API5: variants seen among roughly 807,000 people sequenced by gnomAD.
The protein encoded by API5 is apoptosis inhibitor 5, also known as FIF.
A neutral mutation model predicts 71.9 loss-of-function variants in API5; 6 were observed. The observed-to-expected ratio is 0.08, with a 90% CI of 0.05 to 0.16. API5 has a LOEUF of 0.16. API5 is among the 10% of genes least tolerant of loss of function. The probability of loss-of-function intolerance (pLI) is 1.00; values close to 1 mark genes in which losing one functional copy is unlikely to be tolerated. For synonymous variants in API5, 189 were observed against 221.3 expected, an observed-to-expected ratio of 0.85 and a Z score of 1.30; for missense variants, 332 against 612.8, an observed-to-expected ratio of 0.54 and a Z score of 4.84.
At chr11:43,321,903 A>C (rs1337548108) in intron 4 of API5, 82 bp from the exon 5 acceptor site, 1 of 1,351,750 alleles carries the variant, frequency 7.4e-7, no homozygotes, top group Admixed American at 2.4e-5. Context: ...ATTTGAGAAG[A>C]AATACTATAA....
chr11:43,336,962 C>G (rs1049534342), intron 13 of API5, among the ~76,000 whole-genome samples: 1 of 143,526 alleles, frequency 7.0e-6, no homozygotes, highest in Non-Finnish European at 1.5e-5. Context: ...GAGTGGAGAT[C>G]GCACCACTGT....
intron 11 of API5, chr11:43,331,894 TTACAAATCTTAAA>T (rs1270864280): frequency 6.6e-6 from 1 of 152,226 alleles, no homozygotes; most frequent in Non-Finnish European, 1.5e-5. Flanking sequence ...CTGCCATTTA[TTACAAATCTTAAA>T]TACAAATAAT....
intron 11 of API5, among the ~76,000 whole-genome samples, chr11:43,334,741 T>G (rs968839931): frequency 1.3e-5 from 2 of 152,186 alleles, no homozygotes; most frequent in African/African-American, 4.8e-5. Context: ...CGGTTTTTTT[T>G]GCCTTATTAA....
rs183525306 is a variant in API5, at chr11:43,321,556, T to C, written c.391+80T>C. 30 of 1,158,024 alleles carry C rather than the reference T, an allele frequency of 2.6e-5. No individual in the cohort carries two copies. The Admixed American group carries it at 5.4e-4, about 21-fold the overall frequency. The allele number at this position is 1,158,024 out of a possible 1,614,324, so 71.7% of individuals were successfully genotyped here. On this transcript the variant is annotated intron_variant, in intron 4 of 13. Coordinates refer to ENST00000531273, the MANE Select transcript of API5 (RefSeq NM_001142930.2). ...TAGGTGTTACTCATTAAGAATAAAC[T>C]CTAGGGTTTACCCAGAGTTCTATTT... is the stretch of plus-strand genomic sequence containing the variant.
Position 43,330,627 on chromosome 11 carries a change from A to AAAT in API5, c.1278+65_1278+66insTAA, listed in dbSNP as rs1855219699. 5.2e-6 allele frequency: 7 copies of AAAT among 1,336,786 alleles called. No individual in the cohort carries two copies. In the East Asian group the frequency reaches 1.7e-4, roughly 32 times the overall value. 82.8% of individuals were successfully genotyped at this position (1,336,786 alleles called of 1,614,324 possible). A position where few individuals can be genotyped will look rare whatever the true frequency, so the allele number is the denominator to read the frequency against. On this transcript the variant is annotated intron_variant, in intron 11 of 13. Coordinates refer to ENST00000531273, the MANE Select transcript of API5 (RefSeq NM_001142930.2). ...CATAAAATCATACATTTATTTATTT[A>AAAT]AAAGTTTTGCATAAGATACTTCCAA...
At chr11:43,324,802 C>T (rs1463631694) in intron 6 of API5, among the ~76,000 whole-genome samples, 1 of 151,982 alleles carries the variant, frequency 6.6e-6, no homozygotes, top group African/African-American at 2.4e-5. Flanking sequence ...CTCAACTTCC[C>T]GAGTAGCTGG....
chr11:43,312,794 G>C (rs1245597991), intron 1 of API5, among the ~76,000 whole-genome samples: 2 of 152,128 alleles, frequency 1.3e-5, no homozygotes, highest in South Asian at 2.1e-4. Flanking sequence ...GTACAGTTAG[G>C]AGGGAGTGTA....
chr11:43,323,119 A>C (rs1159719826), intron 5 of API5, among the ~76,000 whole-genome samples: 1 of 150,434 alleles, frequency 6.6e-6, no homozygotes, highest in Non-Finnish European at 1.5e-5. Context: ...TTTTTTTCTT[A>C]ACTGCTCTCC....
intron 2 of API5, 87 bp downstream of exon 2, chr11:43,318,888 G>A: frequency 7.5e-7 from 1 of 1,328,528 alleles, no homozygotes; most frequent in Non-Finnish European, 1.0e-6. Flanking sequence ...TGATATATCA[G>A]AGTACACAAT....
chr11:43,336,625 G>T (rs1324132288), intron 13 of API5, among the ~76,000 whole-genome samples: 2 of 152,096 alleles, frequency 1.3e-5, no homozygotes, highest in African/African-American at 4.8e-5. Flanking sequence ...CAAAAGTAAA[G>T]TTTATCTCTC....
At chr11:43,314,340 A>C (rs1052780979) in intron 1 of API5, among the ~76,000 whole-genome samples, 26 of 152,198 alleles carry the variant, frequency 1.7e-4, no homozygotes, top group Non-Finnish European at 4.4e-5. Flanking sequence ...AACCGTATAC[A>C]TAATGCTGTC....
At chr11:43,313,584 GA>G (rs569183342) in intron 1 of API5, among the ~76,000 whole-genome samples, 334 of 144,870 alleles carry the variant, frequency 2.3e-3, no homozygotes, top group African/African-American at 6.2e-3. Context: ...TGAGCTGAAC[GA>G]AAAAAAAAAA....
chr11:43,314,433 C>T (rs928414835), intron 1 of API5, among the ~76,000 whole-genome samples: 3 of 152,152 alleles, frequency 2.0e-5, no homozygotes, highest in Non-Finnish European at 2.9e-5. Flanking sequence ...TGAGAGTTCT[C>T]CCCAAGGGGT....
Position 43,318,331 on chromosome 11 carries a change from A to T in API5, c.70-309A>T, listed in dbSNP as rs1420033312. The T allele has an allele frequency of 4.0e-6, 5 of 1,250,464 alleles. No homozygotes were observed. In the East Asian group the frequency reaches 1.3e-4, roughly 32 times the overall value. 77.5% of individuals were successfully genotyped at this position (1,250,464 alleles called of 1,614,324 possible). A position where few individuals can be genotyped will look rare whatever the true frequency, so the allele number is the denominator to read the frequency against. On this transcript the variant is annotated intron_variant, in intron 1 of 13. Coordinates refer to ENST00000531273, the MANE Select transcript of API5 (RefSeq NM_001142930.2). Reference sequence around the variant, plus strand: ...GCCCATTACAAATTTTTTAAGCATGATACAGTCACATGGCCAGAGTTAATA... The same window carrying T: ...GCCCATTACAAATTTTTTAAGCATGTTACAGTCACATGGCCAGAGTTAATA...
rs1257037000 is a variant in API5, at chr11:43,339,498, GGACGAC to G, written c.1493-2929_1493-2924del. The G allele has an allele frequency of 2.0e-5, 3 of 152,104 alleles. No individual in the cohort carries two copies. In the East Asian group the frequency reaches 5.8e-4, roughly 29 times the overall value. 9.4% of individuals were successfully genotyped at this position (152,104 alleles called of 1,614,324 possible). The stretch of plus-strand genomic sequence containing the variant: ...ATAACTTCGATCAGTTTTCTTCATG[GGACGAC>G]ACCTTTGAGGACCATTTCTCTGTGG... On this transcript the variant is annotated intron_variant, in intron 13 of 13. Coordinates refer to ENST00000531273, the MANE Select transcript of API5 (RefSeq NM_001142930.2).
chr11:43,344,004 T>G lies in API5; in HGVS notation c.*1494T>G, dbSNP rs1855705082. ...AAATAGTTCTGAAAGGCTAGAATGA[T>G]ACAAGTGAGCAAAAGTTGGTCAGCT... On this transcript the variant is annotated 3_prime_UTR_variant, in exon 14 of 14. Coordinates refer to ENST00000531273, the MANE Select transcript of API5 (RefSeq NM_001142930.2). 6.6e-6 allele frequency: 1 copy of G among 152,636 alleles called. No homozygotes were observed. Among genetic ancestry groups the G allele is most frequent in the Admixed American group, 6.5e-5 (1 of 15,282 alleles). The allele number at this position is 152,636 out of a possible 1,614,324, so 9.5% of individuals were successfully genotyped here. A position where few individuals can be genotyped will look rare whatever the true frequency, so the allele number is the denominator to read the frequency against.
At chr11:43,328,989 C>G (rs1855162331) in intron 9 of API5, 96 bp downstream of exon 9, 1 of 1,230,074 alleles carries the variant, frequency 8.1e-7, no homozygotes, top group Admixed American at 2.0e-5. Flanking sequence ...GCTCCCCATC[C>G]TGCCTTACCC....
rs1429567299 is a variant in API5 at position 43,343,165 on chromosome 11, G to A, written c.*655G>A. On this transcript the variant is annotated 3_prime_UTR_variant, in exon 14 of 14. Coordinates refer to ENST00000531273, the MANE Select transcript of API5 (RefSeq NM_001142930.2). ...TTACTATTTGAATAGAAATGTGTAT[G>A]TATAATATACATACATACATAAGCA... 6.4e-6 allele frequency: 1 copy of A among 155,080 alleles called. No homozygotes were observed. Among genetic ancestry groups the A allele is most frequent in the Non-Finnish European group, 1.4e-5 (1 of 69,972 alleles). The allele number at this position is 155,080 out of a possible 1,614,324, so 9.6% of individuals were successfully genotyped here. A position where few individuals can be genotyped will look rare whatever the true frequency, so the allele number is the denominator to read the frequency against.
chr11:43,336,394 G>A (rs1325156008), intron 13 of API5, among the ~76,000 whole-genome samples: 2 of 150,732 alleles, frequency 1.3e-5, no homozygotes, highest in African/African-American at 5.0e-5. Flanking sequence ...CTTGGACATA[G>A]TCAGCCTGCT....
Sources: gnomAD v4.1 joint callset for allele counts (sites outside exome capture counted in the v4.1 genomes callset) on GRCh38, gnomAD v4.1.1 for gene constraint, MANE v1.5 for transcripts, NCBI Gene and HGNC (gene_info 2026-07-23, HGNC 2026-07-21) for gene names.